MYO1A: variants seen among roughly 807,000 people sequenced by gnomAD.
MYO1A encodes unconventional myosin-Ia.
MYO1A carries 127 observed loss-of-function variants against 138.5 expected under a neutral mutation model. The observed-to-expected ratio is 0.92, with a 90% CI of 0.79 to 1.06. The LOEUF (loss-of-function observed/expected upper bound fraction) is 1.06, where lower values mean the gene tolerates loss of function less well. MYO1A is among the 50% of genes least tolerant of loss of function. The pLI, the probability that MYO1A is intolerant of heterozygous loss-of-function variation, is 0.00. For synonymous variants in MYO1A, 477 were observed against 497.5 expected (o/e 0.96, Z 0.55); for missense variants, 1,211 against 1,288.8 (o/e 0.94, Z 0.92).
chr12:57,029,021 A>G, intron 27 of MYO1A, 111 bp downstream of exon 27: 1 of 1,602,914 alleles, frequency 6.2e-7, no homozygotes, highest in South Asian at 1.1e-5. Flanking sequence ...AAACACCTCC[A>G]AGCCCCGGCC....
intron 5 of MYO1A, 40 bp from the exon 6 acceptor site, chr12:57,047,147 G>A (rs2031136892): frequency 6.2e-7 from 1 of 1,611,532 alleles, no homozygotes; most frequent in Non-Finnish European, 8.5e-7. Flanking sequence ...CTCTAGAGAA[G>A]GGAAAGGAGG....
rs1459751566 is a variant in MYO1A, at chr12:57,038,557, G to A, written c.1615C>T (p.Gln539Ter). The A allele has an allele frequency of 2.5e-6, 4 of 1,614,166 alleles. No individual in the cohort carries two copies. The highest frequency in any genetic ancestry group is 3.3e-5 in the Admixed American group (2 of 60,028). The change falls in exon 17 of 28, where the codon CAG becomes TAG. Residue 539 changes from glutamine to a stop codon, truncating the protein, a stop_gained. Coordinates refer to ENST00000300119, the MANE Select transcript of MYO1A (RefSeq NM_005379.4). LOFTEE classifies it high-confidence loss of function. Reference protein sequence around the residue: ...RDLLQAMWKAQHPLLRSLFPE... With the variant: ...RDLLQAMWKA The stretch of plus-strand genomic sequence containing the variant: ...AACAAGGACCGAAGGAGGGGGTGCT[G>A]GGCCTTCCACATGGCCTGCAACAGG...
rs747866914 is a variant in MYO1A at position 57,036,339 on chromosome 12, G to A, written c.2317C>T (p.Leu773Phe). 2.2e-5 allele frequency: 35 copies of A among 1,613,738 alleles called. No homozygotes were observed. The highest frequency in any genetic ancestry group is 2.7e-5 in the Non-Finnish European group (32 of 1,179,784). ...YRKYFRSEAALTLADFIYKSM... is the reference protein window; with the variant it reads ...YRKYFRSEAAFTLADFIYKSM... ...TTGTAGATGAAATCTGCCAAGGTGA[G>A]GGCAGCCTCTGACCGGAAATATTTG... The change falls in exon 22 of 28, where the codon CTC (leucine) becomes TTC (phenylalanine). Residue 773 changes from leucine (L) to phenylalanine (F), a missense_variant. Coordinates refer to ENST00000300119, the MANE Select transcript of MYO1A (RefSeq NM_005379.4).
intron 10 of MYO1A, among the ~76,000 whole-genome samples, chr12:57,043,648 C>A (rs2030962398): frequency 6.6e-6 from 1 of 152,190 alleles, no homozygotes; most frequent in African/African-American, 2.4e-5. Flanking sequence ...CAGAGAATTT[C>A]CAGACCTAGA....
chr12:57,037,494 G>C, intron 19 of MYO1A, 54 bp downstream of exon 19: 2 of 1,491,540 alleles, frequency 1.3e-6, no homozygotes, highest in South Asian at 2.3e-5. Context: ...CCTTTCTCAG[G>C]TGGGCTCTTC....
At chr12:57,041,791 G>A (rs1401283110) in intron 12 of MYO1A, among the ~76,000 whole-genome samples, 1 of 152,188 alleles carries the variant, frequency 6.6e-6, no homozygotes, top group East Asian at 1.9e-4. Context: ...TATATTTGTA[G>A]AGCATTTTAC....
chr12:57,037,115 A>G, intron 19 of MYO1A, 24 bp from the exon 20 acceptor site: 1 of 1,613,730 alleles, frequency 6.2e-7, no homozygotes, highest in Non-Finnish European at 8.5e-7. Flanking sequence ...GAAGGGGGTG[A>G]CAGAGAGACT....
At chr12:57,043,752 C>A in intron 10 of MYO1A, 104 bp downstream of exon 10, 1 of 1,482,170 alleles carries the variant, frequency 6.7e-7, no homozygotes. Context: ...CTGAGTGGGA[C>A]TGCATCAGGG....
At position 57,028,836 on chromosome 12, in the gene MYO1A, G is replaced by A. The variant is rs1281782812; in HGVS notation, c.3051C>T (p.Val1017=). The change falls in exon 28 of 28, where the codon GTC becomes GTT. Residue 1017 remains valine (V), a synonymous_variant. Transcript: ENST00000300119. ...TGTTGTCACCACCTGCAGGGCCCTGGACGACCTTGACAGCCACACTGTTCT... is the reference window on the plus strand; with the variant it reads ...TGTTGTCACCACCTGCAGGGCCCTGAACGACCTTGACAGCCACACTGTTCT... ...FKENSVAVKV[V]QGPAGGDNSK... The A allele has an allele frequency of 6.2e-7, 1 of 1,613,968 alleles. No individual in the cohort carries two copies. Among genetic ancestry groups the A allele is most frequent in the South Asian group, 1.1e-5 (1 of 91,056 alleles).
intron 22 of MYO1A, among the ~76,000 whole-genome samples, chr12:57,032,741 A>G (rs1225871408): frequency 6.6e-6 from 1 of 152,186 alleles, no homozygotes; most frequent in Non-Finnish European, 1.5e-5. Flanking sequence ...AGGATCAGAG[A>G]GTAGGTCGGG....
intron 10 of MYO1A, 115 bp downstream of exon 10, chr12:57,043,741 G>C: frequency 7.3e-7 from 1 of 1,367,594 alleles, no homozygotes; most frequent in Non-Finnish European, 1.0e-6. Context: ...TCAGGAGTGG[G>C]CTGAGTGGGA....
intron 3 of MYO1A, 33 bp downstream of exon 3, chr12:57,047,955 GC>G (rs1565648731): frequency 6.3e-7 from 1 of 1,593,528 alleles, no homozygotes; most frequent in East Asian, 2.2e-5. Flanking sequence ...AGAAGCTGGG[GC>G]CCTGTCAGCC....
At chr12:57,044,290 C>A (rs2030999135) in intron 8 of MYO1A, 81 bp from the exon 9 acceptor site, 1 of 1,087,922 alleles carries the variant, frequency 9.2e-7, no homozygotes, top group East Asian at 2.5e-5. Flanking sequence ...ACAGCCCTTG[C>A]CCTAATGGAT....
chr12:57,031,093 T>C lies in MYO1A; in HGVS notation c.2431A>G (p.Lys811Glu), dbSNP rs2030257547. ...TCCTGATTTGCTGTGCTGAGGCACT[T>C]GTAGGGGGCGGCTGGCCATGTCTTG... ...LDKTWPAAPY[K>E]CLSTANQELQ... The change falls in exon 23 of 28, where the codon AAG becomes GAG. Residue 811 changes from lysine to glutamate, a missense_variant. Lys to Glu is a moderately conservative substitution (Grantham distance 56, BLOSUM62 1). Coordinates refer to ENST00000300119, the MANE Select transcript of MYO1A (RefSeq NM_005379.4). 2 of 1,613,946 alleles carry C rather than the reference T, an allele frequency of 1.2e-6. No homozygotes were observed. Among genetic ancestry groups the C allele is most frequent in the South Asian group, 1.1e-5 (1 of 91,080 alleles).
At chr12:57,039,335 A>C in intron 14 of MYO1A, 61 bp from the exon 15 acceptor site, 1 of 1,308,580 alleles carries the variant, frequency 7.6e-7, no homozygotes, top group Non-Finnish European at 1.1e-6. Flanking sequence ...CAGAGACCTC[A>C]CCAGATCTAG....
intron 21 of MYO1A, 71 bp downstream of exon 21, chr12:57,036,701 C>T (rs1473996455): frequency 1.9e-6 from 3 of 1,573,158 alleles, no homozygotes; most frequent in African/African-American, 1.3e-5. Flanking sequence ...TAGCTCTCTG[C>T]TGCTCTAGCC....
Position 57,043,909 on chromosome 12 carries a change from G to A in MYO1A, c.839C>T (p.Ala280Val), listed in dbSNP as rs753329355. The A allele has an allele frequency of 1.2e-6, 2 of 1,614,144 alleles. No homozygotes were observed. Among genetic ancestry groups the A allele is most frequent in the Admixed American group, 1.7e-5 (1 of 60,006 alleles). Residue 280 changes from alanine (A) to valine (V), a missense_variant, in exon 10 of 28, where the codon GCT (alanine) becomes GTT (valine). Physicochemically the swap from Ala to Val is moderately conservative, Grantham distance 64. Coordinates refer to ENST00000300119, the MANE Select transcript of MYO1A (RefSeq NM_005379.4). ...TATCCCACTGGCCTGGAACTCATCA[G>A]CCACCAACACGTTCCCCAGCTTTAG... ...MVLKLGNVLV[A>V]DEFQASGIPA...
intron 6 of MYO1A, 58 bp downstream of exon 6, chr12:57,047,003 A>G: frequency 6.2e-7 from 1 of 1,611,222 alleles, no homozygotes; most frequent in Non-Finnish European, 8.5e-7. Context: ...TCTGTGCCAC[A>G]TTCCTCCCTC....
At chr12:57,029,953 C>T in intron 24 of MYO1A, 81 bp from the exon 25 acceptor site, 1 of 1,604,382 alleles carries the variant, frequency 6.2e-7, no homozygotes, top group South Asian at 1.1e-5. Context: ...CCTAGTCCTC[C>T]CGGGCCCTTC....
Sources: gnomAD v4.1 joint callset for allele counts (sites outside exome capture counted in the v4.1 genomes callset) on GRCh38, gnomAD v4.1.1 for gene constraint, MANE v1.5 for transcripts, NCBI Gene and HGNC (gene_info 2026-07-23, HGNC 2026-07-21) for gene names.